Variants in AFF2 observed in about 807,000 individuals in gnomAD.
The protein encoded by AFF2 is AF4/FMR2 family member 2.
Under a neutral mutation model 76.9 loss-of-function variants are expected in AFF2, and 14 were observed. That is an observed-to-expected ratio of 0.18 (90% CI 0.12 to 0.28). AFF2 has a LOEUF of 0.28. Among genes scored for constraint, AFF2 ranks in the 10% least tolerant of loss-of-function variants. The probability of loss-of-function intolerance (pLI) is 1.00; values close to 1 mark genes in which losing one functional copy is unlikely to be tolerated. For missense variants in AFF2, 868 were observed against 1,001.1 expected, an observed-to-expected ratio of 0.87 and a Z score of 1.79; for synonymous variants, 398 against 366.7, an observed-to-expected ratio of 1.09 and a Z score of -0.98.
chrX:148,697,519 C>G (rs111679281), intron 3 of AFF2, among the ~76,000 whole-genome samples: 2,448 of 111,480 alleles, frequency 0.022, 64 homozygotes, highest in African/African-American at 0.076. Flanking sequence ...CCAATCCGAT[C>G]TCCTCAGGCA....
At chrX:148,725,924 A>T (rs990759014) in intron 3 of AFF2, among the ~76,000 whole-genome samples, 8 of 112,061 alleles carry the variant, frequency 7.1e-5, no homozygotes, top group Non-Finnish European at 1.3e-4. Flanking sequence ...TTATATTTTT[A>T]AAAAATAGAG....
chrX:148,802,542 T>A (rs782104084), intron 3 of AFF2, among the ~76,000 whole-genome samples: 11 of 112,362 alleles, frequency 9.8e-5, no homozygotes, highest in African/African-American at 3.6e-4. Context: ...TGTACTGTTA[T>A]GTGAAATACA....
chrX:148,969,887 G>A (rs1356776310), intron 15 of AFF2, among the ~76,000 whole-genome samples: 1 of 110,602 alleles, frequency 9.0e-6, no homozygotes, highest in Non-Finnish European at 1.9e-5. Context: ...TTATGGATGG[G>A]GAAACAGTCC....
intron 1 of AFF2, among the ~76,000 whole-genome samples, chrX:148,531,926 T>C (rs2052735231): frequency 1.8e-5 from 2 of 111,032 alleles, no homozygotes; most frequent in African/African-American, 6.5e-5. Flanking sequence ...AAGCAAAATA[T>C]TGAACTAGCT....
intron 3 of AFF2, among the ~76,000 whole-genome samples, chrX:148,667,564 G>T (rs1295234909): frequency 1.8e-5 from 2 of 111,869 alleles, no homozygotes; most frequent in Non-Finnish European, 3.8e-5. Flanking sequence ...GTTCCACGTG[G>T]CTGGGGAGGC....
chrX:148,545,565 G>A (rs1388561733), intron 1 of AFF2, among the ~76,000 whole-genome samples: 1 of 111,143 alleles, frequency 9.0e-6, no homozygotes, highest in Non-Finnish European at 1.9e-5. Context: ...GGGTGATCAT[G>A]CACACTGGTT....
chrX:148,898,635 T>C (rs2071321200), intron 8 of AFF2, among the ~76,000 whole-genome samples: 2 of 111,832 alleles, frequency 1.8e-5, no homozygotes, highest in South Asian at 7.6e-4. Flanking sequence ...GCAGGATGAA[T>C]TGAGATGCAC....
At chrX:148,750,625 G>A (rs1014923716) in intron 3 of AFF2, among the ~76,000 whole-genome samples, 8 of 111,346 alleles carry the variant, frequency 7.2e-5, no homozygotes, top group Admixed American at 1.9e-4. Flanking sequence ...ATTTAAATCT[G>A]GATCCTATGC....
At position 148,685,851 on chromosome X, in the gene AFF2, T is replaced by C. The variant is rs954385372; in HGVS notation, c.1041+23083T>C. ...ATTTTCAGGGCTTTGACATAGAATG[T>C]GTCCAGGTGAAAATATATTACATTG... On this transcript the variant is annotated intron_variant, in intron 3 of 20. Coordinates refer to ENST00000370460, the MANE Select transcript of AFF2 (RefSeq NM_002025.4). Among the ~76,000 whole-genome samples, 15 of 110,805 alleles carry C rather than the reference T, an allele frequency of 1.4e-4. No homozygotes were observed. The Admixed American group carries it at 1.4e-3, about 10-fold the overall frequency.
At chrX:148,855,789 C>G in intron 7 of AFF2, among the ~76,000 whole-genome samples, 1 of 111,850 alleles carries the variant, frequency 8.9e-6, no homozygotes, top group East Asian at 2.8e-4. Flanking sequence ...CTTAACCTCT[C>G]TATCACTCAG....
intron 3 of AFF2, among the ~76,000 whole-genome samples, chrX:148,726,338 G>C (rs1341554542): frequency 2.7e-5 from 3 of 112,013 alleles, no homozygotes; most frequent in African/African-American, 9.7e-5. Flanking sequence ...CAAAATTTCA[G>C]ATTCCCAGAG....
intron 9 of AFF2, among the ~76,000 whole-genome samples, chrX:148,906,049 A>AATTGTCT (rs1157409626): frequency 2.7e-5 from 3 of 111,876 alleles, no homozygotes; most frequent in Non-Finnish European, 5.6e-5. Flanking sequence ...AGGTGTTTAG[A>AATTGTCT]ATTGTCTTCT....
chrX:148,543,811 A>T (rs1469101319), intron 1 of AFF2, among the ~76,000 whole-genome samples: 2 of 112,465 alleles, frequency 1.8e-5, no homozygotes, highest in East Asian at 5.6e-4. Context: ...CAGTGTTTTA[A>T]GTTTAGATAC....
chrX:148,702,669 C>T (rs2054816537), intron 3 of AFF2, among the ~76,000 whole-genome samples: 2 of 111,618 alleles, frequency 1.8e-5, no homozygotes, highest in Admixed American at 1.9e-4. Context: ...GTCACTTCTA[C>T]ACTTAAGCGA....
At chrX:148,930,146 G>A (rs886947033) in intron 9 of AFF2, among the ~76,000 whole-genome samples, 5 of 111,982 alleles carry the variant, frequency 4.5e-5, no homozygotes, top group Admixed American at 2.8e-4. Flanking sequence ...ACAAAGAGAG[G>A]ATGTTCTTTG....
At chrX:148,797,720 C>T (rs2070003588) in intron 3 of AFF2, among the ~76,000 whole-genome samples, 1 of 111,748 alleles carries the variant, frequency 8.9e-6, no homozygotes, top group Non-Finnish European at 1.9e-5. Flanking sequence ...ATGATCACCA[C>T]ATAAACTGGA....
intron 20 of AFF2, among the ~76,000 whole-genome samples, chrX:148,988,813 T>C (rs138526298): frequency 0.02 from 2,211 of 112,241 alleles, 47 homozygotes; most frequent in African/African-American, 0.067. Context: ...GCAATTTCTA[T>C]GTGCCAGGAA....
intron 1 of AFF2, among the ~76,000 whole-genome samples, chrX:148,619,115 A>T (rs1603260153): frequency 1.8e-5 from 2 of 111,589 alleles, no homozygotes; most frequent in South Asian, 7.4e-4. Context: ...TTCATCTTCA[A>T]AATCCCTCAA....
At chrX:148,572,057 A>C (rs2053235451) in intron 1 of AFF2, among the ~76,000 whole-genome samples, 1 of 110,950 alleles carries the variant, frequency 9.0e-6, no homozygotes, top group Admixed American at 9.6e-5. Context: ...CAAAAAAAAA[A>C]AACTGTTACA....
Sources: gnomAD v4.1 joint callset for allele counts (sites outside exome capture counted in the v4.1 genomes callset) on GRCh38, gnomAD v4.1.1 for gene constraint, MANE v1.5 for transcripts, NCBI Gene and HGNC (gene_info 2026-07-23, HGNC 2026-07-21) for gene names.